Variants in PCDH15 observed in about 807,000 individuals in gnomAD.
PCDH15 encodes protocadherin related 15, also known as protocadherin-15.
Under a neutral mutation model 178.5 loss-of-function variants are expected in PCDH15, and 129 were observed. The observed-to-expected ratio is 0.72, with a 90% confidence interval of 0.63 to 0.84. The LOEUF is 0.84. Among genes scored for constraint, PCDH15 ranks in the 40% least tolerant of loss-of-function variants. The pLI is 0.00. For synonymous variants in PCDH15, 800 were observed against 732.0 expected (o/e 1.09, Z -1.50); for missense variants, 2,230 against 2,099.9 (o/e 1.06, Z -1.21).
At chr10:54,000,733 A>AT (rs2092092851) in intron 20 of PCDH15, among the ~76,000 whole-genome samples, 1 of 152,150 alleles carries the variant, frequency 6.6e-6, no homozygotes, top group Non-Finnish European at 1.5e-5. Context: ...TATTGGCATT[A>AT]AAGAGGAGAC....
chr10:54,372,287 T>G (rs921354857), intron 4 of PCDH15, among the ~76,000 whole-genome samples: 4 of 151,756 alleles, frequency 2.6e-5, no homozygotes, highest in Non-Finnish European at 4.4e-5. Context: ...TCTTATCAAA[T>G]AGAGGATCAA....
intron 21 of PCDH15, among the ~76,000 whole-genome samples, chr10:53,975,659 G>T (rs2090124822): frequency 6.6e-6 from 1 of 152,030 alleles, no homozygotes; most frequent in Admixed American, 6.6e-5. Context: ...CTTTATAGAT[G>T]CTGGATATTA....
intron 3 of PCDH15, among the ~76,000 whole-genome samples, chr10:54,494,608 C>G (rs763164783): frequency 6.6e-6 from 1 of 152,118 alleles, no homozygotes; most frequent in Admixed American, 6.6e-5. Context: ...TCATGCCACC[C>G]TTTCATGCCA....
intron 2 of PCDH15, among the ~76,000 whole-genome samples, chr10:54,658,064 A>T (rs1408065367): frequency 1.1e-4 from 17 of 152,152 alleles, no homozygotes; most frequent in Admixed American, 1.1e-3. Context: ...GGTTTTTTTG[A>T]ATTAACCCTG....
intron 3 of PCDH15, among the ~76,000 whole-genome samples, chr10:54,526,047 A>AACATTAGTAT (rs1392577442): frequency 6.6e-6 from 1 of 152,204 alleles, no homozygotes; most frequent in Non-Finnish European, 1.5e-5. Context: ...TAAGGAGCAC[A>AACATTAGTAT]ACATTAGTAT....
chr10:54,158,997 T>C (rs1024490532), intron 13 of PCDH15, among the ~76,000 whole-genome samples: 2 of 151,712 alleles, frequency 1.3e-5, no homozygotes, highest in Non-Finnish European at 2.9e-5. Context: ...AGTCCCAGTG[T>C]TTTTGGGAGG....
At chr10:55,387,311 A>G (rs1837686727) in intron 2 of PCDH15, among the ~76,000 whole-genome samples, 1 of 152,100 alleles carries the variant, frequency 6.6e-6, no homozygotes, top group Non-Finnish European at 1.5e-5. Flanking sequence ...GGGAGGAAAC[A>G]TGGTCAGAAT....
chr10:55,580,426 C>CGGCTCA (rs1484078069), intron 2 of PCDH15, among the ~76,000 whole-genome samples: 15 of 149,128 alleles, frequency 1.0e-4, no homozygotes, highest in African/African-American at 3.7e-4. Context: ...GACATGATCT[C>CGGCTCA]GGCTCACTGC....
intron 1 of PCDH15, among the ~76,000 whole-genome samples, chr10:54,666,167 TACCCCCTAAAG>T (rs368161498): frequency 0.87 from 132,940 of 152,056 alleles, 58,781 homozygotes; most frequent in Middle Eastern, 0.93. Flanking sequence ...TTAATATGAG[TACCCCCTAAAG>T]CTTAATATAA....
rs138874997 is a variant in PCDH15, at chr10:54,995,476, G to A, written c.-79-97976C>T. The stretch of plus-strand genomic sequence containing the variant: ...TGAAGATTTTAAAAATTTTGGTCTG[G>A]TATATTGTATGAATCCCAGGGATTA... On this transcript the variant is annotated intron_variant, in intron 2 of 5. Coordinates refer to the PCDH15 transcript ENST00000458638. 4.9e-3 allele frequency among the ~76,000 whole-genome samples: 743 copies of A among 151,244 alleles called. 4 individuals are homozygous for A. Among genetic ancestry groups the A allele is most frequent in the African/African-American group, 0.017 (713 of 41,198 alleles).
chr10:54,183,085 G>A (rs890521482), intron 13 of PCDH15, among the ~76,000 whole-genome samples: 6 of 151,946 alleles, frequency 3.9e-5, no homozygotes, highest in East Asian at 1.9e-4. Context: ...AGGTTCAAGC[G>A]ATTCTCCTGC....
Position 54,446,451 on chromosome 10 carries a change from G to A in PCDH15, c.158-67509C>T, listed in dbSNP as rs529015783. On this transcript the variant is annotated intron_variant, in intron 3 of 37. Coordinates refer to ENST00000644397, the MANE Select transcript of PCDH15 (RefSeq NM_001384140.1). ...TATCAAAAAGTACTACTGTTGATTCGGTTTTTTGTGTTTCATTATTTGAAA... is the reference window on the plus strand; with the variant it reads ...TATCAAAAAGTACTACTGTTGATTCAGTTTTTTGTGTTTCATTATTTGAAA... Among the ~76,000 whole-genome samples, 30 of 151,290 alleles carry A rather than the reference G, an allele frequency of 2.0e-4. 2 individuals carry two copies. The South Asian group carries it at 5.0e-3, about 25-fold the overall frequency.
rs143481682 is a variant in PCDH15 at position 55,217,057 on chromosome 10, A to G, written c.-155-50406T>C. Among the ~76,000 whole-genome samples, 3 of 152,052 alleles carry G rather than the reference A, an allele frequency of 2.0e-5. No individual in the cohort carries two copies. In the East Asian group the frequency reaches 5.8e-4, roughly 29 times the overall value. On this transcript the variant is annotated intron_variant, in intron 1 of 5. Coordinates refer to the PCDH15 transcript ENST00000458638. ...ATTGGAACATACATGCAACATATAA[A>G]AGTTCTTCACAGAAGAATGGTAGGG...
intron 2 of PCDH15, among the ~76,000 whole-genome samples, chr10:55,612,334 G>A (rs1290071127): frequency 6.6e-6 from 1 of 151,938 alleles, no homozygotes; most frequent in Non-Finnish European, 1.5e-5. Context: ...AGATGGAGCT[G>A]AGCCAAGAAT....
intron 2 of PCDH15, among the ~76,000 whole-genome samples, chr10:55,065,039 C>A (rs1037965822): frequency 6.6e-6 from 1 of 151,976 alleles, no homozygotes; most frequent in Non-Finnish European, 1.5e-5. Context: ...AAATATTCAG[C>A]CAGCTAATTA....
intron 18 of PCDH15, among the ~76,000 whole-genome samples, chr10:54,026,756 C>A (rs569389466): frequency 6.6e-6 from 1 of 152,162 alleles, no homozygotes; most frequent in Non-Finnish European, 1.5e-5. Context: ...ATGCTAAAAA[C>A]TCTCAATAAA....
chr10:53,992,292 G>T (rs1347860807), intron 21 of PCDH15, among the ~76,000 whole-genome samples: 1 of 152,092 alleles, frequency 6.6e-6, no homozygotes, highest in East Asian at 1.9e-4. Context: ...ACAAACTCTG[G>T]ACACACCATC....
intron 18 of PCDH15, among the ~76,000 whole-genome samples, chr10:54,042,285 T>C (rs2093564519): frequency 6.6e-6 from 1 of 152,146 alleles, no homozygotes; most frequent in Non-Finnish European, 1.5e-5. Flanking sequence ...TTAGATCATT[T>C]GCCCAAGTCA....
intron 23 of PCDH15, among the ~76,000 whole-genome samples, chr10:53,943,130 A>G (rs994892773): frequency 3.3e-5 from 5 of 152,086 alleles, no homozygotes; most frequent in African/African-American, 1.2e-4. Context: ...TCTGTTTGCT[A>G]TTCCTTATAC....
Sources: gnomAD v4.1 joint callset for allele counts (sites outside exome capture counted in the v4.1 genomes callset) on GRCh38, gnomAD v4.1.1 for gene constraint, MANE v1.5 for transcripts, NCBI Gene and HGNC (gene_info 2026-07-23, HGNC 2026-07-21) for gene names.